Variants in PLD5 observed in about 807,000 individuals in gnomAD.
The protein encoded by PLD5 is inactive phospholipase D5.
PLD5 carries 36 observed loss-of-function variants against 61.1 expected under a neutral mutation model. The ratio of observed to expected loss-of-function variants is 0.59; its 90% CI spans 0.45 to 0.78. PLD5 has a LOEUF of 0.78. Ranked by LOEUF, PLD5 falls within the 30% of genes least tolerant of loss-of-function variation. The probability of loss-of-function intolerance (pLI) is 0.00; values close to 1 mark genes in which losing one functional copy is unlikely to be tolerated. For synonymous variants in PLD5, 243 were observed against 242.8 expected, an observed-to-expected ratio of 1.00 and a Z score of -0.01; for missense variants, 515 against 644.4, an observed-to-expected ratio of 0.80 and a Z score of 2.17.
At chr1:242,418,888 C>CA (rs1664973002) in intron 1 of PLD5, among the ~76,000 whole-genome samples, 1 of 152,182 alleles carries the variant, frequency 6.6e-6, no homozygotes, top group African/African-American at 2.4e-5. Context: ...GCAATGCCAG[C>CA]ACCAAATGGA....
intron 1 of PLD5, among the ~76,000 whole-genome samples, chr1:242,388,362 C>G (rs1662721036): frequency 6.6e-6 from 1 of 152,196 alleles, no homozygotes; most frequent in African/African-American, 2.4e-5. Flanking sequence ...ACAGCTCTGA[C>G]ATTTTCCCCT....
At chr1:242,137,019 A>G (rs910096817) in intron 5 of PLD5, among the ~76,000 whole-genome samples, 2 of 152,162 alleles carry the variant, frequency 1.3e-5, no homozygotes, top group Non-Finnish European at 2.9e-5. Flanking sequence ...CATGAATATA[A>G]CCTGTGGAGT....
intron 5 of PLD5, among the ~76,000 whole-genome samples, chr1:242,142,092 G>C (rs1664214254): frequency 6.6e-6 from 1 of 152,164 alleles, no homozygotes; most frequent in Non-Finnish European, 1.5e-5. Context: ...TGCCAGCTGG[G>C]ATCTATGACA....
At chr1:242,287,470 G>A (rs1381088226) in intron 3 of PLD5, among the ~76,000 whole-genome samples, 3 of 151,936 alleles carry the variant, frequency 2.0e-5, no homozygotes, top group East Asian at 1.9e-4. Context: ...TACGGCCTTC[G>A]TGTTTTTTGT....
chr1:242,173,626 T>C (rs946981014), intron 5 of PLD5, among the ~76,000 whole-genome samples: 13 of 152,148 alleles, frequency 8.5e-5, no homozygotes, highest in Non-Finnish European at 1.6e-4. Flanking sequence ...GGAGGCATCA[T>C]GCTACCTGAC....
chr1:242,263,073 G>A lies in PLD5; in HGVS notation c.607+2264C>T, dbSNP rs148636344. Among the ~76,000 whole-genome samples, 1,083 of 152,152 alleles carry A rather than the reference G, an allele frequency of 7.1e-3. 14 individuals carry two copies. The highest frequency in any genetic ancestry group is 0.025 in the African/African-American group (1,037 of 41,514). On this transcript the variant is annotated intron_variant, in intron 4 of 9. Coordinates refer to ENST00000536534, the MANE Select transcript of PLD5 (RefSeq NM_001372062.1). ...AGAGGCAAAGCATGGGGAGCAAAAG[G>A]AACAGGAATGACCTGCACACCACCC... is the stretch of plus-strand genomic sequence containing the variant.
chr1:242,275,833 G>C (rs1185194984), intron 3 of PLD5, among the ~76,000 whole-genome samples: 1 of 152,140 alleles, frequency 6.6e-6, no homozygotes, highest in East Asian at 1.9e-4. Flanking sequence ...CATGATGAAG[G>C]GCCTTGTAAG....
intron 1 of PLD5, among the ~76,000 whole-genome samples, chr1:242,518,192 C>T (rs1437256749): frequency 6.6e-6 from 1 of 152,196 alleles, no homozygotes; most frequent in African/African-American, 2.4e-5. Context: ...TCACTTAACT[C>T]TTTCATAAGG....
intron 5 of PLD5, among the ~76,000 whole-genome samples, chr1:242,207,784 T>TATATTTA (rs1669436962): frequency 1.6e-5 from 1 of 61,348 alleles, no homozygotes; most frequent in Non-Finnish European, 2.8e-5. Context: ...TTATATATAT[T>TATATTTA]TATATTTATA....
At chr1:242,137,671 A>C (rs1663849102) in intron 5 of PLD5, among the ~76,000 whole-genome samples, 1 of 152,140 alleles carries the variant, frequency 6.6e-6, no homozygotes, top group South Asian at 2.1e-4. Flanking sequence ...AGTACAGCCA[A>C]GTGTACCATG....
chr1:242,368,316 C>T (rs1314237547), intron 1 of PLD5, among the ~76,000 whole-genome samples: 3 of 107,726 alleles, frequency 2.8e-5, no homozygotes, highest in African/African-American at 9.2e-5. Flanking sequence ...CTGCCCAATT[C>T]GTGAACCAAT....
intron 1 of PLD5, among the ~76,000 whole-genome samples, chr1:242,381,158 T>A (rs905198912): frequency 6.6e-6 from 1 of 152,152 alleles, no homozygotes; most frequent in Non-Finnish European, 1.5e-5. Flanking sequence ...CAAATGCCCA[T>A]CAATGATAGA....
intron 1 of PLD5, among the ~76,000 whole-genome samples, chr1:242,416,981 C>T (rs1664866513): frequency 6.6e-6 from 1 of 152,050 alleles, no homozygotes; most frequent in Non-Finnish European, 1.5e-5. Flanking sequence ...CTGCACCCTT[C>T]TTGTGAAAGA....
At chr1:242,229,116 A>G (rs570507713) in intron 4 of PLD5, among the ~76,000 whole-genome samples, 1 of 152,372 alleles carries the variant, frequency 6.6e-6, no homozygotes, top group South Asian at 2.1e-4. Flanking sequence ...CACAGGTTGC[A>G]TGAGTAAATG....
intron 5 of PLD5, among the ~76,000 whole-genome samples, chr1:242,217,029 T>C (rs563795766): frequency 5.3e-4 from 80 of 152,362 alleles, no homozygotes; most frequent in Non-Finnish European, 6.5e-4. Flanking sequence ...TTACTGAATA[T>C]TTTAAGCCTG....
intron 1 of PLD5, among the ~76,000 whole-genome samples, chr1:242,508,263 C>T (rs547322589): frequency 6.6e-6 from 1 of 151,910 alleles, no homozygotes; most frequent in South Asian, 2.1e-4. Flanking sequence ...ATCCCAGCTA[C>T]TTGAGAGGCT....
intron 5 of PLD5, among the ~76,000 whole-genome samples, chr1:242,185,741 A>T (rs893010297): frequency 6.6e-6 from 1 of 152,206 alleles, no homozygotes; most frequent in Admixed American, 6.5e-5. Context: ...TCATTGAAAT[A>T]GAATGAAAAG....
chr1:242,370,441 A>G (rs950925983), intron 1 of PLD5, among the ~76,000 whole-genome samples: 1 of 151,854 alleles, frequency 6.6e-6, no homozygotes, highest in African/African-American at 2.4e-5. Context: ...AGAGATGCAG[A>G]GAGAGAGAGA....
At chr1:242,223,843 T>C (rs1446960671) in intron 4 of PLD5, among the ~76,000 whole-genome samples, 1 of 128,918 alleles carries the variant, frequency 7.8e-6, no homozygotes, top group East Asian at 2.3e-4. Flanking sequence ...GCTGTAGATA[T>C]ATATAAATAG....
Sources: gnomAD v4.1 joint callset for allele counts (sites outside exome capture counted in the v4.1 genomes callset) on GRCh38, gnomAD v4.1.1 for gene constraint, MANE v1.5 for transcripts, NCBI Gene and HGNC (gene_info 2026-07-23, HGNC 2026-07-21) for gene names.